The following MLH3 variants were observed in gnomAD, a reference collection of about 807,000 sequenced individuals.
MLH3 encodes mutL homolog 3, also known as DNA mismatch repair protein Mlh3.
A neutral mutation model predicts 122.2 loss-of-function variants in MLH3; 82 were observed. That is an observed-to-expected ratio of 0.67 (90% CI 0.56 to 0.81). The LOEUF (loss-of-function observed/expected upper bound fraction) is 0.81. Among genes scored for constraint, MLH3 ranks in the 30% least tolerant of loss-of-function variants. The probability of loss-of-function intolerance (pLI) is 0.00; values close to 1 mark genes in which losing one functional copy is unlikely to be tolerated. For missense variants in MLH3, 1,539 were observed against 1,714.5 expected (o/e 0.90, Z 1.81); for synonymous variants, 524 against 599.5 (o/e 0.87, Z 1.84).
At position 75,047,593 on chromosome 14, in the gene MLH3, G is replaced by T; in HGVS notation, c.2063C>A (p.Thr688Lys). Residue 688 changes from threonine (T) to lysine (K), a missense_variant, in exon 2 of 13, where the codon ACA becomes AAA. Thr to Lys is a moderately conservative substitution (Grantham distance 78). Coordinates refer to ENST00000355774, the MANE Select transcript of MLH3 (RefSeq NM_001040108.2). Reference sequence around the variant, plus strand: ...AGCAGAAAACATTGTATAAGTTGCTGTAGGTTCATTCTCTAGCCCATAACT... The same window carrying T: ...AGCAGAAAACATTGTATAAGTTGCTTTAGGTTCATTCTCTAGCCCATAACT... Reference protein sequence around the residue: ...NISYGLENEPTATYTMFSAFQ... With the variant: ...NISYGLENEPKATYTMFSAFQ... 1 of 1,614,042 alleles carries T rather than the reference G, an allele frequency of 6.2e-7. No homozygotes were observed. Among genetic ancestry groups the T allele is most frequent in the Non-Finnish European group, 8.5e-7 (1 of 1,180,008 alleles).
In MLH3 at chr14:75,020,899, T is replaced by C. The variant is rs1039297551; in HGVS notation, c.4090+1915A>G. The stretch of plus-strand genomic sequence containing the variant: ...TATTATTATTATTATTATTTTGAGA[T>C]GGAGTCTCACTCTGTCACCCAGGCT... On this transcript the variant is annotated intron_variant, in intron 11 of 12. Coordinates refer to ENST00000355774, the MANE Select transcript of MLH3 (RefSeq NM_001040108.2). 2.0e-5 allele frequency: 3 copies of C among 150,740 alleles called. 1 individual carries two copies. The highest frequency in any genetic ancestry group is 7.3e-5 in the African/African-American group (3 of 41,192). The allele number at this position is 150,740 out of a possible 1,614,324, so 9.3% of individuals were successfully genotyped here.
At chr14:75,020,539 T>C (rs1274053067) in intron 11 of MLH3, among the ~76,000 whole-genome samples, 1 of 152,160 alleles carries the variant, frequency 6.6e-6, no homozygotes, top group Non-Finnish European at 1.5e-5. Flanking sequence ...TAGAGGAGTA[T>C]GAGTCTGTTC....
chr14:75,028,881 G>C (rs12100960), intron 9 of MLH3, among the ~76,000 whole-genome samples: 4,387 of 151,650 alleles, frequency 0.029, 234 homozygotes, highest in African/African-American at 0.1. Context: ...AGGCGTAGTG[G>C]CTCATGCCTG....
intron 11 of MLH3, among the ~76,000 whole-genome samples, chr14:75,020,484 G>A (rs541972942): frequency 1.3e-5 from 2 of 152,244 alleles, no homozygotes; most frequent in South Asian, 4.2e-4. Flanking sequence ...TGAATCAGAC[G>A]GACCGAAGAT....
intron 6 of MLH3, chr14:75,036,620 A>G (rs1891429657): frequency 2.2e-6 from 1 of 455,878 alleles, no homozygotes; most frequent in Non-Finnish European, 4.4e-6. Flanking sequence ...CTGGGATTAC[A>G]GGCGTGAGCC....
chr14:75,024,644 A>T (rs971088677), intron 9 of MLH3, among the ~76,000 whole-genome samples: 2 of 152,226 alleles, frequency 1.3e-5, no homozygotes, highest in Non-Finnish European at 2.9e-5. Flanking sequence ...TGTATTAATG[A>T]TCTTTCAACT....
At position 75,024,013 on chromosome 14, in the gene MLH3, A is replaced by G. The variant is rs1288296736; in HGVS notation, c.3988-995T>C. Among the ~76,000 whole-genome samples the G allele has an allele frequency of 3.9e-5, 6 of 152,356 alleles. No homozygotes were observed. In the East Asian group the frequency reaches 9.6e-4, roughly 24 times the overall value. ...AAGATGGTCTCATAAGACTCAATCC[A>G]CTGACAAAGCTTAGTGTGGATGGAG... On this transcript the variant is annotated intron_variant, in intron 9 of 12. Coordinates refer to ENST00000355774, the MANE Select transcript of MLH3 (RefSeq NM_001040108.2).
chr14:75,049,270 G>A lies in MLH3; in HGVS notation c.386C>T (p.Ala129Val), dbSNP rs760995153. ...TFVKLFQSGK[A>V]LKACEADVTR... Reference sequence around the variant, plus strand: ...CACATCAGCTTCACAAGCTTTCAGGGCTTTTCCACTCTGAAACAGTTTCAC... The same window carrying A: ...CACATCAGCTTCACAAGCTTTCAGGACTTTTCCACTCTGAAACAGTTTCAC... Residue 129 changes from alanine to valine, a missense_variant, in exon 2 of 13, where the codon GCC (alanine) becomes GTC (valine). Ala to Val is a moderately conservative substitution (Grantham distance 64). Coordinates refer to ENST00000355774, the MANE Select transcript of MLH3 (RefSeq NM_001040108.2). 1 of 1,614,158 alleles carries A rather than the reference G, an allele frequency of 6.2e-7. No homozygotes were observed. The highest frequency in any genetic ancestry group is 8.5e-7 in the Non-Finnish European group (1 of 1,180,022).
intron 3 of MLH3, 146 bp downstream of exon 3, chr14:75,042,233 T>C (rs1943851043): frequency 5.4e-6 from 4 of 746,828 alleles, no homozygotes. Flanking sequence ...AATTAATTAG[T>C]TCCGCTGTTA....
At chr14:75,026,685 T>C (rs1289422704) in intron 9 of MLH3, among the ~76,000 whole-genome samples, 2 of 152,096 alleles carry the variant, frequency 1.3e-5, no homozygotes, top group African/African-American at 4.8e-5. Context: ...CATACAAAGA[T>C]ACATCATAGG....
chr14:75,021,740 T>C (rs1890292076), intron 11 of MLH3, among the ~76,000 whole-genome samples: 1 of 152,208 alleles, frequency 6.6e-6, no homozygotes, highest in Non-Finnish European at 1.5e-5. Context: ...GAAATATAAA[T>C]TAGTTCAGCC....
chr14:75,033,542 T>C (rs749580192), intron 6 of MLH3, 52 bp from the exon 7 acceptor site: 6 of 1,395,154 alleles, frequency 4.3e-6, no homozygotes, highest in Non-Finnish European at 6.1e-6. Context: ...ACGACAACCA[T>C]CATGTGTGTT....
In MLH3 at chr14:75,032,180, C is replaced by T. The variant is rs1243847782; in HGVS notation, c.3716-1G>A. On this transcript the variant is annotated splice_acceptor_variant, in intron 7 of 12. Coordinates refer to ENST00000355774, the MANE Select transcript of MLH3 (RefSeq NM_001040108.2). LOFTEE classifies it high-confidence loss of function. ...TGTGCCTGTTGCTTCTCGTAGGAAT[C>T]TATTGGCAGAAAGATGAATGGGTTA... 2.5e-6 allele frequency: 4 copies of T among 1,590,446 alleles called. No individual in the cohort carries two copies. The highest frequency in any genetic ancestry group is 3.5e-6 in the Non-Finnish European group (4 of 1,158,500).
At chr14:75,035,768 T>C (rs1279204615) in intron 6 of MLH3, among the ~76,000 whole-genome samples, 1 of 152,104 alleles carries the variant, frequency 6.6e-6, no homozygotes, top group Admixed American at 6.6e-5. Flanking sequence ...CCACTGCTGC[T>C]CAGGGCTCAG....
Position 75,048,019 on chromosome 14 carries a change from C to A in MLH3, c.1637G>T (p.Arg546Ile), listed in dbSNP as rs55725216. 5.2e-4 allele frequency: 835 copies of A among 1,613,594 alleles called. 6 individuals are homozygous for A. The highest frequency in any genetic ancestry group is 4.1e-3 in the South Asian group (368 of 90,850). ...GMAANILKNNRIQNQPKRFKD... is the reference protein window; with the variant it reads ...GMAANILKNNIIQNQPKRFKD... ...AAATCTCTTTGGTTGATTCTGAATTCTATTATTTTTCAAGATGTTGGCAGC... is the reference window on the plus strand; with the variant it reads ...AAATCTCTTTGGTTGATTCTGAATTATATTATTTTTCAAGATGTTGGCAGC... The change falls in exon 2 of 13, where the codon AGA (arginine) becomes ATA (isoleucine). Residue 546 changes from arginine (R) to isoleucine (I), a missense_variant. Physicochemically the swap from Arg to Ile is moderately conservative, Grantham distance 97. Coordinates refer to ENST00000355774, the MANE Select transcript of MLH3 (RefSeq NM_001040108.2).
intron 2 of MLH3, among the ~76,000 whole-genome samples, chr14:75,044,237 A>C (rs946856451): frequency 2.6e-5 from 4 of 152,242 alleles, no homozygotes; most frequent in Non-Finnish European, 5.9e-5. Flanking sequence ...ACTTCTTTCT[A>C]TACCAAAAAT....
At chr14:75,021,716 T>C (rs1049356494) in intron 11 of MLH3, among the ~76,000 whole-genome samples, 2 of 152,238 alleles carry the variant, frequency 1.3e-5, no homozygotes, top group Non-Finnish European at 2.9e-5. Context: ...AGAACACTTA[T>C]ACACTGCTGG....
Position 75,030,554 on chromosome 14 carries a change from T to A in MLH3, c.3976A>T (p.Ser1326Cys). The A allele has an allele frequency of 1.2e-6, 2 of 1,614,130 alleles. No individual in the cohort carries two copies. Among genetic ancestry groups the A allele is most frequent in the South Asian group, 2.2e-5 (2 of 91,086 alleles). ...LRRGRSTVTK[S>C]IVEEFIREQL... ...CAGCTGTGTCTTACCTCCACAATACTCTTGGTCACAGTAGATCTTCCTCTC... is the reference window on the plus strand; with the variant it reads ...CAGCTGTGTCTTACCTCCACAATACACTTGGTCACAGTAGATCTTCCTCTC... The change falls in exon 9 of 13, where the codon AGT becomes TGT. Residue 1326 changes from serine (S) to cysteine (C), a missense_variant. Physicochemically the swap from Ser to Cys is moderately radical, Grantham distance 112. Transcript: ENST00000355774.
chr14:75,020,504 A>G (rs1294890015), intron 11 of MLH3, among the ~76,000 whole-genome samples: 1 of 152,226 alleles, frequency 6.6e-6, no homozygotes, highest in Admixed American at 6.5e-5. Flanking sequence ...TACATTTTGA[A>G]GGTGGCAATG....
Sources: allele counts gnomAD v4.1 joint callset (sites outside exome capture counted in the v4.1 genomes callset), GRCh38; gene constraint gnomAD v4.1.1; transcripts MANE v1.5; gene names NCBI Gene and HGNC (gene_info 2026-07-23, HGNC 2026-07-21).